RABGAP1L: variants seen among roughly 807,000 people sequenced by gnomAD.
RABGAP1L encodes the protein RAB GTPase activating protein 1 like, also known as rab GTPase-activating protein 1-like.
A neutral mutation model predicts 137.7 loss-of-function variants in RABGAP1L; 63 were observed. That is an observed-to-expected ratio of 0.46 (90% CI 0.37 to 0.56). RABGAP1L has a LOEUF of 0.56. Ranked by LOEUF, RABGAP1L falls within the 20% of genes least tolerant of loss-of-function variation. The pLI, the probability that RABGAP1L is intolerant of heterozygous loss-of-function variation, is 0.00. For synonymous variants in RABGAP1L, 431 were observed against 433.7 expected (o/e 0.99, Z 0.08); for missense variants, 1,095 against 1,244.0 (o/e 0.88, Z 1.80).
intron 13 of RABGAP1L, among the ~76,000 whole-genome samples, chr1:174,456,107 T>C (rs956639825): frequency 1.3e-5 from 2 of 152,088 alleles, no homozygotes; most frequent in Non-Finnish European, 2.9e-5. Context: ...ATTTGTGACA[T>C]AGGAAAAATT....
chr1:174,932,117 G>A (rs1000521030), intron 19 of RABGAP1L, among the ~76,000 whole-genome samples: 2 of 149,456 alleles, frequency 1.3e-5, no homozygotes, highest in Non-Finnish European at 3.0e-5. Flanking sequence ...AGTAGAATTG[G>A]TAAATTAGAA....
At chr1:174,847,559 A>T (rs1388848250) in intron 19 of RABGAP1L, among the ~76,000 whole-genome samples, 1 of 138,858 alleles carries the variant, frequency 7.2e-6, no homozygotes, top group Non-Finnish European at 1.6e-5. Flanking sequence ...ATTGGCCCCC[A>T]CTCTCTTCTG....
chr1:174,596,571 C>T (rs1308796140), intron 13 of RABGAP1L, among the ~76,000 whole-genome samples: 2 of 152,194 alleles, frequency 1.3e-5, no homozygotes, highest in South Asian at 2.1e-4. Flanking sequence ...ATTTTATATC[C>T]TGTAATTTTA....
chr1:174,868,690 C>G (rs538531322), intron 19 of RABGAP1L, among the ~76,000 whole-genome samples: 120 of 152,050 alleles, frequency 7.9e-4, no homozygotes, highest in African/African-American at 2.8e-3. Context: ...TTTCCCTGTT[C>G]TTTTCATAGT....
chr1:174,735,502 T>A (rs1205628730), intron 17 of RABGAP1L, among the ~76,000 whole-genome samples: 1 of 149,628 alleles, frequency 6.7e-6, no homozygotes, highest in Non-Finnish European at 1.5e-5. Flanking sequence ...ATCCCAGCAC[T>A]TTTGGAGCCC....
intron 18 of RABGAP1L, among the ~76,000 whole-genome samples, chr1:174,774,540 A>T (rs1295893053): frequency 6.6e-6 from 1 of 152,082 alleles, no homozygotes; most frequent in Non-Finnish European, 1.5e-5. Context: ...TCTCAAAAAA[A>T]CAAAGGAAGA....
intron 13 of RABGAP1L, among the ~76,000 whole-genome samples, chr1:174,499,909 C>A (rs1238657194): frequency 6.6e-6 from 1 of 152,028 alleles, no homozygotes; most frequent in Admixed American, 6.5e-5. Context: ...TAATTTTAGA[C>A]CCTAATAACT....
intron 15 of RABGAP1L, among the ~76,000 whole-genome samples, chr1:174,690,217 G>A (rs764983925): frequency 6.6e-6 from 1 of 152,120 alleles, no homozygotes; most frequent in Middle Eastern, 3.2e-3. Context: ...CAAGTTATAT[G>A]GCTTTGGGCA....
chr1:174,421,608 A>G (rs1292467473), intron 13 of RABGAP1L, among the ~76,000 whole-genome samples: 1 of 152,090 alleles, frequency 6.6e-6, no homozygotes, highest in African/African-American at 2.4e-5. Flanking sequence ...CCTTTATTTG[A>G]ACATTCTCTA....
chr1:174,255,444 C>G (rs1673041315), intron 7 of RABGAP1L, among the ~76,000 whole-genome samples: 1 of 152,152 alleles, frequency 6.6e-6, no homozygotes, highest in Non-Finnish European at 1.5e-5. Flanking sequence ...ATACTCTTTA[C>G]CAAGATTGTT....
In RABGAP1L at chr1:174,207,924, A is replaced by G. The variant is rs946381064; in HGVS notation, c.-33-11201A>G. On this transcript the variant is annotated intron_variant, in intron 1 of 25. Transcript: ENST00000681986. ...GTAGTTGGGTGTTCAGTGCTCAATCAGTCTCAACAAGTTATTTTTTGAATC... is the reference window on the plus strand; with the variant it reads ...GTAGTTGGGTGTTCAGTGCTCAATCGGTCTCAACAAGTTATTTTTTGAATC... Among the ~76,000 whole-genome samples the G allele has an allele frequency of 1.2e-4, 19 of 152,326 alleles. No individual in the cohort carries two copies. The East Asian group carries it at 3.5e-3, about 28-fold the overall frequency.
chr1:174,932,586 A>G (rs2149263737), intron 19 of RABGAP1L, among the ~76,000 whole-genome samples: 1 of 152,234 alleles, frequency 6.6e-6, no homozygotes, highest in South Asian at 2.1e-4. Context: ...TGATTTCTGC[A>G]AGGTTCTTTA....
At chr1:174,688,442 G>C (rs140759712) in intron 15 of RABGAP1L, among the ~76,000 whole-genome samples, 3,211 of 152,008 alleles carry the variant, frequency 0.021, 53 homozygotes, top group Middle Eastern at 0.085. Flanking sequence ...GAATAATCTA[G>C]CATGTTTAAA....
At chr1:174,680,101 A>T (rs902390409) in intron 14 of RABGAP1L, among the ~76,000 whole-genome samples, 1 of 152,246 alleles carries the variant, frequency 6.6e-6, no homozygotes, top group Non-Finnish European at 1.5e-5. Context: ...TTGCTCTTTG[A>T]AAAACAGCAT....
intron 14 of RABGAP1L, among the ~76,000 whole-genome samples, chr1:174,637,769 G>A (rs376961892): frequency 5.9e-5 from 9 of 152,264 alleles, no homozygotes; most frequent in African/African-American, 2.2e-4. Flanking sequence ...TGCTATAAAA[G>A]CTCAAAAGAG....
chr1:174,320,341 G>A (rs945111796), intron 11 of RABGAP1L, among the ~76,000 whole-genome samples: 9 of 152,082 alleles, frequency 5.9e-5, no homozygotes, highest in African/African-American at 1.9e-4. Context: ...GAATCACTTA[G>A]TACATAGTCT....
intron 14 of RABGAP1L, among the ~76,000 whole-genome samples, chr1:174,665,877 T>C (rs926276333): frequency 2.6e-5 from 4 of 152,256 alleles, no homozygotes; most frequent in Non-Finnish European, 4.4e-5. Context: ...AGAGTAGTAG[T>C]AACTAATAAA....
At chr1:174,713,872 A>T (rs1312967691) in intron 17 of RABGAP1L, among the ~76,000 whole-genome samples, 1 of 152,126 alleles carries the variant, frequency 6.6e-6, no homozygotes, top group Non-Finnish European at 1.5e-5. Flanking sequence ...GTAACTTCCT[A>T]TCTGTTCTTC....
intron 13 of RABGAP1L, among the ~76,000 whole-genome samples, chr1:174,595,991 G>A (rs1669865853): frequency 5.9e-5 from 6 of 102,450 alleles, no homozygotes; most frequent in Admixed American, 4.7e-4. Flanking sequence ...AGACTGCTGT[G>A]CTAGCAATCA....
Sources: allele counts gnomAD v4.1 joint callset (sites outside exome capture counted in the v4.1 genomes callset), GRCh38; gene constraint gnomAD v4.1.1; transcripts MANE v1.5; gene names NCBI Gene and HGNC (gene_info 2026-07-23, HGNC 2026-07-21).